The following FNIP2 variants were observed in gnomAD, a reference collection of about 807,000 sequenced individuals.
The protein encoded by FNIP2 is folliculin interacting protein 2, also known as folliculin-interacting protein 2.
In FNIP2, 32 loss-of-function variants were observed where a neutral mutation model predicts 108.7. The ratio of observed to expected loss-of-function variants is 0.29; its 90% CI spans 0.22 to 0.40. The LOEUF is 0.40. FNIP2 is among the 10% of genes least tolerant of loss of function. The pLI is 1.00. For missense variants in FNIP2, 1,202 were observed against 1,381.6 expected (o/e 0.87, Z 2.06); for synonymous variants, 480 against 496.7 (o/e 0.97, Z 0.45).
chr4:158,868,490 T>C lies in FNIP2; in HGVS notation c.1854T>C (p.Ala618=), dbSNP rs2126702207. ...TGGGTCTTAAACCTGACAAAGAAGC[T>C]AACAGGAGGCCAGAGCAGGGTTCTG... ...RDLGLKPDKE[A]NRRPEQGSEA... The change falls in exon 13 of 17, where the codon GCT becomes GCC. Residue 618 remains alanine (A), a synonymous_variant. Coordinates refer to ENST00000264433, the MANE Select transcript of FNIP2 (RefSeq NM_020840.3). This position sits in a 1 kb window ranked among gnomAD's most constrained non-coding sequence, Gnocchi z 4.6. 1.9e-6 allele frequency: 3 copies of C among 1,613,996 alleles called. No homozygotes were observed. Among genetic ancestry groups the C allele is most frequent in the Non-Finnish European group, 1.7e-6 (2 of 1,179,884 alleles).
At chr4:158,823,586 TGTAA>T (rs1311176430) in intron 1 of FNIP2, among the ~76,000 whole-genome samples, 1 of 152,248 alleles carries the variant, frequency 6.6e-6, no homozygotes, top group East Asian at 1.9e-4. Flanking sequence ...CTGTGTTGAT[TGTAA>T]GTGACAGTGA....
rs527610895 is a variant in FNIP2 at position 158,907,935 on chromosome 4, A to G, written c.*3391A>G. On this transcript the variant is annotated 3_prime_UTR_variant, in exon 17 of 17. Coordinates refer to ENST00000264433, the MANE Select transcript of FNIP2 (RefSeq NM_020840.3). ...AATTGATAGGACTTCGTTTTTGATCAGTCTGAATAGATACCAATGTCATTG... is the reference window on the plus strand; with the variant it reads ...AATTGATAGGACTTCGTTTTTGATCGGTCTGAATAGATACCAATGTCATTG... 1 of 152,316 alleles carries G rather than the reference A, an allele frequency of 6.6e-6. No individual in the cohort carries two copies. Among genetic ancestry groups the G allele is most frequent in the African/African-American group, 2.4e-5 (1 of 41,580 alleles). The allele number at this position is 152,316 out of a possible 1,614,324, so 9.4% of individuals were successfully genotyped here.
chr4:158,904,405 A>G, intron 16 of FNIP2, 61 bp from the exon 17 acceptor site: 1 of 1,378,506 alleles, frequency 7.3e-7, no homozygotes, highest in East Asian at 2.3e-5. Flanking sequence ...AAAAGAAATA[A>G]TACTTTCTCA....
chr4:158,867,494 G>A (rs1189542321), intron 12 of FNIP2, among the ~76,000 whole-genome samples: 2 of 152,192 alleles, frequency 1.3e-5, no homozygotes, highest in Non-Finnish European at 2.9e-5. Flanking sequence ...GCCTGGCCCA[G>A]TTGAATTTTC....
chr4:158,875,969 C>G lies in FNIP2; in HGVS notation c.2949+5500C>G, dbSNP rs1345051945. Among the ~76,000 whole-genome samples the G allele has an allele frequency of 2.0e-5, 3 of 152,064 alleles. No individual in the cohort carries two copies. The East Asian group carries it at 5.8e-4, about 29-fold the overall frequency. Reference sequence around the variant, plus strand: ...TTAGGCTTCTTATTGATTAGTGAAACCTTTGTATTATGTGTGTGTGTATTT... The same window carrying G: ...TTAGGCTTCTTATTGATTAGTGAAAGCTTTGTATTATGTGTGTGTGTATTT... On this transcript the variant is annotated intron_variant, in intron 14 of 16. Coordinates refer to ENST00000264433, the MANE Select transcript of FNIP2 (RefSeq NM_020840.3).
chr4:158,801,675 G>A (rs565186572), intron 1 of FNIP2, among the ~76,000 whole-genome samples: 1 of 152,262 alleles, frequency 6.6e-6, no homozygotes, highest in African/African-American at 2.4e-5. Flanking sequence ...ACGATGCTTG[G>A]CACATAAAAG....
At chr4:158,840,993 C>T (rs1188293886) in intron 7 of FNIP2, among the ~76,000 whole-genome samples, 1 of 152,162 alleles carries the variant, frequency 6.6e-6, no homozygotes, top group African/African-American at 2.4e-5. Flanking sequence ...TAAGAATCTA[C>T]ATTATCATAG....
chr4:158,882,705 G>A (rs1336109200), intron 14 of FNIP2, among the ~76,000 whole-genome samples: 2 of 152,074 alleles, frequency 1.3e-5, no homozygotes, highest in African/African-American at 4.8e-5. Flanking sequence ...ACCCCCAACC[G>A]GGTGCTCTCT....
chr4:158,893,855 A>G, intron 15 of FNIP2: 1 of 579,106 alleles, frequency 1.7e-6, no homozygotes. Context: ...TGTTATAGTT[A>G]ATTCTTTTTA....
At chr4:158,814,494 C>T (rs1376156676) in intron 1 of FNIP2, among the ~76,000 whole-genome samples, 1 of 152,204 alleles carries the variant, frequency 6.6e-6, no homozygotes, top group Non-Finnish European at 1.5e-5. Context: ...CTTCCCCTGC[C>T]TACATGCAAA....
intron 16 of FNIP2, 91 bp downstream of exon 16, chr4:158,895,956 C>T: frequency 2.2e-6 from 2 of 919,334 alleles, no homozygotes; most frequent in Non-Finnish European, 3.4e-6. Context: ...CACCCTAAAC[C>T]TCAGGCCCTG....
chr4:158,833,828 T>C (rs1293152752), intron 6 of FNIP2, 200 bp downstream of exon 6: 1 of 1,509,434 alleles, frequency 6.6e-7, no homozygotes, highest in Non-Finnish European at 8.8e-7. Flanking sequence ...AGCAGCAAAC[T>C]GCTGCAGGGG....
At chr4:158,842,827 T>TA (rs1779202169) in intron 7 of FNIP2, among the ~76,000 whole-genome samples, 1 of 152,186 alleles carries the variant, frequency 6.6e-6, no homozygotes, top group South Asian at 2.1e-4. Context: ...ATTAAAACTT[T>TA]AAAGTACCTG....
intron 7 of FNIP2, among the ~76,000 whole-genome samples, chr4:158,846,369 A>G (rs984649386): frequency 2.0e-5 from 3 of 152,202 alleles, no homozygotes; most frequent in Non-Finnish European, 4.4e-5. Context: ...ATCCGCTAGC[A>G]GATAGCAGCT....
At chr4:158,862,135 G>T (rs1288542988) in intron 12 of FNIP2, among the ~76,000 whole-genome samples, 1 of 152,114 alleles carries the variant, frequency 6.6e-6, no homozygotes, top group African/African-American at 2.4e-5. Context: ...CGCATTAATG[G>T]ATATTGAGTG....
chr4:158,827,407 C>A (rs1200016555), intron 2 of FNIP2, among the ~76,000 whole-genome samples: 1 of 152,140 alleles, frequency 6.6e-6, no homozygotes, highest in African/African-American at 2.4e-5. Flanking sequence ...CTTCAGTGTA[C>A]CAGAGCACTG....
At chr4:158,806,013 A>C (rs1776935436) in intron 1 of FNIP2, 4 of 584,588 alleles carry the variant, frequency 6.8e-6, no homozygotes, top group Non-Finnish European at 6.8e-6. Flanking sequence ...TGGCAGGCTT[A>C]ATTTACGTAA....
intron 1 of FNIP2, among the ~76,000 whole-genome samples, chr4:158,824,823 A>G (rs989965752): frequency 6.6e-6 from 1 of 151,634 alleles, no homozygotes; most frequent in Non-Finnish European, 1.5e-5. Context: ...GCAGTCTTAC[A>G]CCTTACCACC....
In FNIP2 at chr4:158,870,321, G is replaced by A. The variant is rs1437635715; in HGVS notation, c.2801G>A (p.Ser934Asn). ...GCCACATGTTGTTTTAGGTCTCAGAGCATCAGCACCCAGAATGTAAGGAAC... is the reference window on the plus strand; with the variant it reads ...GCCACATGTTGTTTTAGGTCTCAGAACATCAGCACCCAGAATGTAAGGAAC... ...EVELPLPRSQ[S>N]ISTQNVRNFG... Residue 934 changes from serine to asparagine, a missense_variant, in exon 14 of 17, where the codon AGC becomes AAC. This residue lies in a region of FNIP2 where 878 missense variants were observed against 990.3 expected (regional missense o/e 0.89). Transcript: ENST00000264433. 3 of 1,613,394 alleles carry A rather than the reference G, an allele frequency of 1.9e-6. No homozygotes were observed. Among genetic ancestry groups the A allele is most frequent in the East Asian group, 4.5e-5 (2 of 44,856 alleles).
Sources: gnomAD v4.1 joint callset for allele counts (sites outside exome capture counted in the v4.1 genomes callset) on GRCh38, gnomAD v4.1.1 for gene constraint, gnomAD v4.1.1 regional missense constraint, Gnocchi (gnomAD v3.1) non-coding constraint, MANE v1.5 for transcripts, NCBI Gene and HGNC (gene_info 2026-07-23, HGNC 2026-07-21) for gene names.